Variants in CATSPERB observed in about 807,000 individuals in gnomAD.
The protein encoded by CATSPERB is cation channel sperm-associated auxiliary subunit beta.
CATSPERB carries 93 observed loss-of-function variants against 128.3 expected under a neutral mutation model. The observed-to-expected ratio is 0.72, with a 90% CI of 0.61 to 0.86. The LOEUF is 0.86. Ranked by LOEUF, CATSPERB falls within the 40% of genes least tolerant of loss-of-function variation. CATSPERB has a pLI of 0.00. For missense variants in CATSPERB, 1,153 were observed against 1,329.5 expected, an observed-to-expected ratio of 0.87 and a Z score of 2.06; for synonymous variants, 381 against 448.8, an observed-to-expected ratio of 0.85 and a Z score of 1.91.
At chr14:91,711,603 G>A (rs1895840808) in intron 5 of CATSPERB, among the ~76,000 whole-genome samples, 1 of 152,128 alleles carries the variant, frequency 6.6e-6, no homozygotes, top group Admixed American at 6.5e-5. Context: ...AATAAAAGGT[G>A]AAAGGATGAA....
chr14:91,692,712 C>A (rs1483269757), intron 9 of CATSPERB, among the ~76,000 whole-genome samples: 1 of 152,138 alleles, frequency 6.6e-6, no homozygotes, highest in Non-Finnish European at 1.5e-5. Flanking sequence ...TGCATATTAA[C>A]AATCTTCACC....
At chr14:91,730,805 A>G (rs1311158402) in intron 1 of CATSPERB, among the ~76,000 whole-genome samples, 6 of 152,222 alleles carry the variant, frequency 3.9e-5, no homozygotes, top group African/African-American at 1.4e-4. Flanking sequence ...CTTATTAAAT[A>G]CATTTAATTG....
chr14:91,694,258 A>G (rs893741526), intron 7 of CATSPERB, among the ~76,000 whole-genome samples: 4 of 152,100 alleles, frequency 2.6e-5, no homozygotes, highest in Admixed American at 2.6e-4. Flanking sequence ...CAGCCTGGGC[A>G]ACATGGTATA....
At chr14:91,599,054 A>C (rs1451969555) in intron 22 of CATSPERB, among the ~76,000 whole-genome samples, 1 of 152,052 alleles carries the variant, frequency 6.6e-6, no homozygotes. Flanking sequence ...TATCAGACTG[A>C]CCAAATTTTG....
At chr14:91,652,540 G>A (rs568630148) in intron 15 of CATSPERB, among the ~76,000 whole-genome samples, 164 of 151,000 alleles carry the variant, frequency 1.1e-3, no homozygotes, top group African/African-American at 3.7e-3. Context: ...GCATGGTGGC[G>A]GGTATCTGTA....
intron 22 of CATSPERB, chr14:91,592,324 C>T (rs1893423598): frequency 2.9e-6 from 1 of 342,858 alleles, no homozygotes; most frequent in Admixed American, 4.7e-5. Context: ...TTGGCCCCTG[C>T]CAGTGCAGGG....
intron 5 of CATSPERB, among the ~76,000 whole-genome samples, chr14:91,717,353 C>T (rs1895960505): frequency 1.3e-5 from 2 of 152,176 alleles, no homozygotes; most frequent in South Asian, 4.2e-4. Context: ...TCATAGAATG[C>T]AAATTATACC....
chr14:91,606,391 C>T (rs1209668920), intron 22 of CATSPERB, among the ~76,000 whole-genome samples: 1 of 151,790 alleles, frequency 6.6e-6, no homozygotes, highest in Non-Finnish European at 1.5e-5. Flanking sequence ...GGCAAAACCC[C>T]GTCTCTACTA....
chr14:91,590,510 G>A (rs1009492093), intron 23 of CATSPERB, among the ~76,000 whole-genome samples: 2 of 152,052 alleles, frequency 1.3e-5, no homozygotes, highest in Non-Finnish European at 2.9e-5. Flanking sequence ...CGACCTGGGC[G>A]ACAGAGCGAG....
At chr14:91,596,794 G>A (rs1356207176) in intron 22 of CATSPERB, among the ~76,000 whole-genome samples, 6 of 151,986 alleles carry the variant, frequency 3.9e-5, no homozygotes, top group Admixed American at 3.9e-4. Context: ...AATGCTTCCT[G>A]TATAATTTTT....
chr14:91,720,536 T>C (rs1378612415), intron 4 of CATSPERB, among the ~76,000 whole-genome samples: 1 of 151,816 alleles, frequency 6.6e-6, no homozygotes, highest in African/African-American at 2.4e-5. Flanking sequence ...AAAAGAAGTA[T>C]AAAACTTATA....
At chr14:91,719,528 A>C (rs776557663) in intron 4 of CATSPERB, 50 bp from the exon 5 acceptor site, 1 of 1,333,368 alleles carries the variant, frequency 7.5e-7, no homozygotes, top group African/African-American at 1.4e-5. Context: ...ATGAATAACA[A>C]CACATCACAT....
intron 20 of CATSPERB, 40 bp from the exon 21 acceptor site, chr14:91,610,717 T>C: frequency 6.3e-7 from 1 of 1,578,220 alleles, no homozygotes; most frequent in African/African-American, 1.4e-5. Flanking sequence ...TTAAAGTAAC[T>C]GTTATGGACT....
chr14:91,706,457 T>C (rs1895734638), intron 6 of CATSPERB, among the ~76,000 whole-genome samples: 1 of 152,148 alleles, frequency 6.6e-6, no homozygotes, highest in Non-Finnish European at 1.5e-5. Flanking sequence ...TCTTAAGCAT[T>C]TTAAGAACAA....
At chr14:91,692,978 A>T (rs1448776914) in intron 9 of CATSPERB, 148 bp downstream of exon 9, 2 of 602,588 alleles carry the variant, frequency 3.3e-6, no homozygotes, top group South Asian at 4.9e-5. Context: ...TAAAGGAAAA[A>T]GTTACTGTAT....
intron 14 of CATSPERB, among the ~76,000 whole-genome samples, chr14:91,668,449 G>C (rs547556581): frequency 2.6e-5 from 4 of 152,124 alleles, no homozygotes; most frequent in Non-Finnish European, 5.9e-5. Context: ...TCAGCACTCT[G>C]TAAAATGGAC....
chr14:91,620,852 T>G (rs964266247), intron 19 of CATSPERB, among the ~76,000 whole-genome samples: 2 of 152,198 alleles, frequency 1.3e-5, no homozygotes, highest in South Asian at 2.1e-4. Context: ...GTGTTTTCTG[T>G]CCGTGTTTGG....
chr14:91,729,396 C>A lies in CATSPERB; in HGVS notation c.79+5G>T. 3.8e-6 allele frequency: 5 copies of A among 1,321,508 alleles called. No individual in the cohort carries two copies. The highest frequency in any genetic ancestry group is 2.0e-5 in the Admixed American group (1 of 49,444). The allele number at this position is 1,321,508 out of a possible 1,614,324, so 81.9% of individuals were successfully genotyped here. A position where few individuals can be genotyped will look rare whatever the true frequency, so the allele number is the denominator to read the frequency against. ...AAATAGAGAGTAAGATGGTCTGAAA[C>A]TTACCTTTATTATATACTATTCCTG... is the stretch of plus-strand genomic sequence containing the variant. On this transcript the variant is annotated splice_donor_5th_base_variant and intron_variant, in intron 2 of 26. Coordinates refer to ENST00000256343, the MANE Select transcript of CATSPERB (RefSeq NM_024764.4).
chr14:91,680,638 C>T (rs1895264062), intron 11 of CATSPERB, among the ~76,000 whole-genome samples: 1 of 152,036 alleles, frequency 6.6e-6, no homozygotes, highest in African/African-American at 2.4e-5. Context: ...AGTTCCTTGG[C>T]CATAGGTGTC....
Sources: allele counts gnomAD v4.1 joint callset (sites outside exome capture counted in the v4.1 genomes callset), GRCh38; gene constraint gnomAD v4.1.1; transcripts MANE v1.5; gene names NCBI Gene and HGNC (gene_info 2026-07-23, HGNC 2026-07-21).